Variants in DYSF observed in about 807,000 individuals in gnomAD.
DYSF encodes the protein dystrophy-associated fer-1-like 1.
DYSF carries 212 observed loss-of-function variants against 274.9 expected under a neutral mutation model. The observed-to-expected ratio is 0.77, with a 90% confidence interval of 0.69 to 0.86. The LOEUF (loss-of-function observed/expected upper bound fraction) is 0.86, where lower values mean the gene tolerates loss of function less well. DYSF is among the 40% of genes least tolerant of loss of function. The pLI, the probability that DYSF is intolerant of heterozygous loss-of-function variation, is 0.00. For missense variants in DYSF, 2,666 were observed against 2,783.2 expected, an observed-to-expected ratio of 0.96 and a Z score of 0.95; for synonymous variants, 1,091 against 1,078.7, an observed-to-expected ratio of 1.01 and a Z score of -0.22.
intron 3 of DYSF, among the ~76,000 whole-genome samples, chr2:71,491,097 A>G (rs1486128027): frequency 6.6e-6 from 1 of 152,130 alleles, no homozygotes; most frequent in Admixed American, 6.5e-5. Context: ...CTGCTAATTT[A>G]TTTTTGCTAG....
rs758844689 is a variant in DYSF at position 71,503,173 on chromosome 2, C to A, written c.240-41C>A. The A allele has an allele frequency of 6.3e-6, 10 of 1,592,654 alleles. No individual in the cohort carries two copies. The African/African-American group carries it at 1.1e-4, about 17-fold the overall frequency. ...GGGTCTGGCAGAAGAGCCAGGGTGC[C>A]TTAGGCTAGTTTTCTACATTTGACT... On this transcript the variant is annotated intron_variant, in intron 3 of 55. Transcript: ENST00000410020.
intron 44 of DYSF, among the ~76,000 whole-genome samples, chr2:71,660,179 C>T (rs2094852234): frequency 6.6e-6 from 1 of 152,258 alleles, no homozygotes. Context: ...CCTAGGCTGA[C>T]ATAGGCTGAC....
chr2:71,685,710 G>A (rs371875909), intron 55 of DYSF, among the ~76,000 whole-genome samples: 7 of 152,366 alleles, frequency 4.6e-5, no homozygotes, highest in South Asian at 2.1e-4. Flanking sequence ...CAGGGCCAGC[G>A]TGGGGAGGCA....
At position 71,502,946 on chromosome 2, in the gene DYSF, G is replaced by A. The variant is rs927341938; in HGVS notation, c.240-268G>A. ...AGGCGTGGCTGGGCCTCTGGGGAGG[G>A]GCAGGAAGGGGTCAAGGTGGACCTT... On this transcript the variant is annotated intron_variant, in intron 3 of 55. Transcript: ENST00000410020. Among the ~76,000 whole-genome samples, 41 of 152,132 alleles carry A rather than the reference G, an allele frequency of 2.7e-4. 1 individual carries two copies. Among genetic ancestry groups the A allele is most frequent in the Admixed American group, 2.7e-3 (41 of 15,278 alleles).
chr2:71,606,210 G>T (rs916580367), intron 36 of DYSF, among the ~76,000 whole-genome samples: 4 of 152,182 alleles, frequency 2.6e-5, no homozygotes, highest in Non-Finnish European at 4.4e-5. Context: ...CTTGAGGATG[G>T]CTTCAGCTCT....
intron 1 of DYSF, among the ~76,000 whole-genome samples, chr2:71,473,268 C>A (rs189813892): frequency 6.6e-6 from 1 of 152,212 alleles, no homozygotes; most frequent in South Asian, 2.1e-4. Context: ...CTTCAGCCCA[C>A]GCTAGGGCCA....
chr2:71,670,085 C>G (rs1206513116), intron 51 of DYSF, among the ~76,000 whole-genome samples: 1 of 152,178 alleles, frequency 6.6e-6, no homozygotes. Flanking sequence ...TACCGTGGTC[C>G]CACCCCTGCT....
At chr2:71,534,015 A>C (rs2089036502) in intron 14 of DYSF, among the ~76,000 whole-genome samples, 3 of 145,516 alleles carry the variant, frequency 2.1e-5, no homozygotes, top group Middle Eastern at 6.9e-3. Context: ...AAATCCTGGC[A>C]CTCAGCCCCA....
At chr2:71,673,971 G>A (rs1295601288) in intron 51 of DYSF, among the ~76,000 whole-genome samples, 3 of 152,124 alleles carry the variant, frequency 2.0e-5, no homozygotes, top group Non-Finnish European at 4.4e-5. Flanking sequence ...AGGATTAATG[G>A]AGCCATCTTA....
chr2:71,669,514 C>T, intron 50 of DYSF, 91 bp from the exon 51 acceptor site: 9 of 1,518,914 alleles, frequency 5.9e-6, no homozygotes, highest in Non-Finnish European at 8.2e-6. Context: ...GCTCATTTAC[C>T]TTCTTAACTC....
intron 14 of DYSF, among the ~76,000 whole-genome samples, chr2:71,532,572 C>T (rs11675613): frequency 0.12 from 18,115 of 152,124 alleles, 1,198 homozygotes; most frequent in African/African-American, 0.16. Context: ...GCAGATGGAC[C>T]AGCTGCTGTT....
At chr2:71,602,846 G>A in intron 36 of DYSF, 41 bp downstream of exon 36, 1 of 1,609,320 alleles carries the variant, frequency 6.2e-7, no homozygotes. Context: ...GGCCGAGGTA[G>A]AGGGAAGGTG....
At chr2:71,549,808 G>C (rs189469612) in intron 17 of DYSF, among the ~76,000 whole-genome samples, 8 of 152,294 alleles carry the variant, frequency 5.3e-5, no homozygotes, top group Non-Finnish European at 2.9e-5. Flanking sequence ...TCATAATTGA[G>C]ATGATTAACG....
At chr2:71,661,116 C>T (rs1293601476) in intron 45 of DYSF, among the ~76,000 whole-genome samples, 1 of 85,944 alleles carries the variant, frequency 1.2e-5, no homozygotes, top group Non-Finnish European at 2.3e-5. Flanking sequence ...AACCCTGTCT[C>T]AAAAAAAAAA....
intron 33 of DYSF, among the ~76,000 whole-genome samples, chr2:71,599,644 G>C (rs568958921): frequency 6.6e-6 from 1 of 152,358 alleles, no homozygotes; most frequent in African/African-American, 2.4e-5. Context: ...CCGAAGAGGA[G>C]GCTGGATGCT....
At chr2:71,627,883 A>G (rs1313144771) in intron 41 of DYSF, among the ~76,000 whole-genome samples, 1 of 151,990 alleles carries the variant, frequency 6.6e-6, no homozygotes, top group Non-Finnish European at 1.5e-5. Flanking sequence ...TGTTTTGTTC[A>G]TGTTAATATA....
intron 52 of DYSF, 135 bp from the exon 53 acceptor site, chr2:71,678,922 T>C: frequency 1.3e-6 from 1 of 765,484 alleles, no homozygotes; most frequent in Non-Finnish European, 2.3e-6. Flanking sequence ...CGTGAGATTT[T>C]ACCTGTGGCT....
chr2:71,478,798 C>T (rs138910876), intron 1 of DYSF, among the ~76,000 whole-genome samples: 169 of 152,194 alleles, frequency 1.1e-3, no homozygotes, highest in Non-Finnish European at 1.9e-3. Context: ...CTCCCTCCCT[C>T]AGATGGTCTT....
At chr2:71,641,763 G>A (rs1168571138) in intron 41 of DYSF, among the ~76,000 whole-genome samples, 1 of 152,028 alleles carries the variant, frequency 6.6e-6, no homozygotes, top group Non-Finnish European at 1.5e-5. Flanking sequence ...TGACCCAGGA[G>A]GGCTTTAAGC....
Sources: gnomAD v4.1 joint callset for allele counts (sites outside exome capture counted in the v4.1 genomes callset) on GRCh38, gnomAD v4.1.1 for gene constraint, MANE v1.5 for transcripts, NCBI Gene and HGNC (gene_info 2026-07-23, HGNC 2026-07-21) for gene names.